PATJ: variants seen among roughly 807,000 people sequenced by gnomAD.
PATJ encodes PATJ crumbs cell polarity complex component, also known as inaD-like protein.
A neutral mutation model predicts 224.9 loss-of-function variants in PATJ; 190 were observed. The ratio of observed to expected loss-of-function variants is 0.84; its 90% CI spans 0.75 to 0.95. The LOEUF is 0.95. Among genes scored for constraint, PATJ ranks in the 40% least tolerant of loss-of-function variants. PATJ has a pLI of 0.00. For missense variants in PATJ, 2,121 were observed against 2,270.3 expected, an observed-to-expected ratio of 0.93 and a Z score of 1.34; for synonymous variants, 769 against 820.3, an observed-to-expected ratio of 0.94 and a Z score of 1.07.
chr1:61,836,615 T>C (rs1418035941), intron 17 of PATJ, among the ~76,000 whole-genome samples: 1 of 152,270 alleles, frequency 6.6e-6, no homozygotes, highest in Non-Finnish European at 1.5e-5. Flanking sequence ...AGAACTGTTA[T>C]CTACCATGAC....
intron 5 of PATJ, among the ~76,000 whole-genome samples, chr1:61,771,019 G>T (rs1646572567): frequency 6.6e-6 from 1 of 152,072 alleles, no homozygotes; most frequent in African/African-American, 2.4e-5. Flanking sequence ...CAGTGAAGAT[G>T]GGGTGAGAGG....
intron 33 of PATJ, among the ~76,000 whole-genome samples, chr1:62,107,974 C>T (rs1207286171): frequency 6.6e-6 from 1 of 152,176 alleles, no homozygotes; most frequent in Non-Finnish European, 1.5e-5. Context: ...TTTTCTTCTC[C>T]TCCAGGACCC....
At chr1:61,777,724 T>TTTC (rs1553157739) in intron 7 of PATJ, among the ~76,000 whole-genome samples, 15 of 106,032 alleles carry the variant, frequency 1.4e-4, no homozygotes, top group South Asian at 3.1e-4. Flanking sequence ...TTTTTTTTTT[T>TTTC]TTTAGCATAG....
At chr1:61,766,254 G>GATT (rs2148323173) in intron 3 of PATJ, 25 bp from the exon 4 acceptor site, 5 of 1,497,828 alleles carry the variant, frequency 3.3e-6, no homozygotes, top group South Asian at 1.3e-5. Context: ...GATTTCTGTT[G>GATT]ATTCTTTTTT....
chr1:61,887,838 A>G (rs1409714245), intron 22 of PATJ, among the ~76,000 whole-genome samples: 1 of 152,216 alleles, frequency 6.6e-6, no homozygotes, highest in Non-Finnish European at 1.5e-5. Flanking sequence ...TCAGCAAAAC[A>G]TAACAGGGAT....
chr1:61,955,108 T>C (rs752340044), intron 27 of PATJ, among the ~76,000 whole-genome samples: 3 of 152,218 alleles, frequency 2.0e-5, no homozygotes, highest in Non-Finnish European at 4.4e-5. Context: ...ATTGCACATT[T>C]TGAATACATC....
At chr1:62,017,743 A>AAAAAAAG (rs1553243994) in intron 28 of PATJ, 113 bp from the exon 29 acceptor site, 5 of 517,308 alleles carry the variant, frequency 9.7e-6, no homozygotes, top group South Asian at 5.8e-5. Context: ...AAAAAAAAAA[A>AAAAAAAG]AAAAGAAAAG....
intron 42 of PATJ, among the ~76,000 whole-genome samples, chr1:62,149,854 T>C (rs1218926717): frequency 1.3e-5 from 2 of 152,010 alleles, no homozygotes; most frequent in Non-Finnish European, 2.9e-5. Flanking sequence ...TTTAAACTAA[T>C]TGGTTGAAAA....
intron 27 of PATJ, among the ~76,000 whole-genome samples, chr1:61,943,428 GCA>G (rs1256836030): frequency 6.6e-6 from 1 of 152,182 alleles, no homozygotes; most frequent in Non-Finnish European, 1.5e-5. Flanking sequence ...TTAGCAAACG[GCA>G]TACCAGGAGA....
At chr1:61,921,742 G>A (rs1040284393) in intron 26 of PATJ, among the ~76,000 whole-genome samples, 8 of 152,186 alleles carry the variant, frequency 5.3e-5, no homozygotes, top group Non-Finnish European at 7.3e-5. Context: ...ACAATCTGTA[G>A]TGAGAGAAAA....
intron 41 of PATJ, among the ~76,000 whole-genome samples, chr1:62,144,452 A>G (rs1009546782): frequency 1.3e-5 from 2 of 152,134 alleles, no homozygotes; most frequent in African/African-American, 2.4e-5. Flanking sequence ...TGAAATTGCA[A>G]TCAAGTCGAG....
chr1:62,086,065 T>C lies in PATJ; in HGVS notation c.4377+1417T>C, dbSNP rs76286070. On this transcript the variant is annotated intron_variant, in intron 33 of 43. Transcript: ENST00000642238. The surrounding 1 kb of genome is among the most constrained non-coding windows in gnomAD (Gnocchi z 4.0). ...CTAGGCTCAAGCGATCCTCCTACCT[T>C]AGCCTCCCAAAATGCTGCAATTACA... Among the ~76,000 whole-genome samples the C allele has an allele frequency of 0.024, 3,666 of 152,168 alleles. 146 individuals carry two copies. The highest frequency in any genetic ancestry group is 0.079 in the East Asian group (407 of 5,172).
chr1:61,752,515 C>G (rs929376492), intron 1 of PATJ, among the ~76,000 whole-genome samples: 2 of 151,886 alleles, frequency 1.3e-5, no homozygotes, highest in Non-Finnish European at 1.5e-5. Context: ...GTTTTCACCA[C>G]GTTGGCCAGG....
intron 28 of PATJ, among the ~76,000 whole-genome samples, chr1:61,999,139 A>G (rs939655515): frequency 3.2e-4 from 48 of 152,106 alleles, no homozygotes; most frequent in Admixed American, 3.0e-3. Context: ...GAAGAAATTT[A>G]TGGAAGGAGT....
chr1:61,971,808 C>T (rs1252360426), intron 27 of PATJ, among the ~76,000 whole-genome samples: 1 of 149,440 alleles, frequency 6.7e-6, no homozygotes, highest in Non-Finnish European at 1.5e-5. Context: ...ATCCTGGAAA[C>T]ATTGTGAGAC....
At chr1:62,158,841 T>G (rs895191402) in intron 43 of PATJ, among the ~76,000 whole-genome samples, 5 of 151,032 alleles carry the variant, frequency 3.3e-5, no homozygotes, top group Non-Finnish European at 7.4e-5. Context: ...ACCAACTACT[T>G]GGGAGGCTGA....
At chr1:61,876,132 A>G (rs1667301575) in intron 21 of PATJ, among the ~76,000 whole-genome samples, 1 of 152,168 alleles carries the variant, frequency 6.6e-6, no homozygotes. Flanking sequence ...AAGTGATGTA[A>G]CAGTTTTATA....
Position 61,762,913 on chromosome 1 carries a change from AG to A in PATJ, c.22+1del. 1 of 1,547,704 alleles carries A rather than the reference AG, an allele frequency of 6.5e-7. No individual in the cohort carries two copies. The highest frequency in any genetic ancestry group is 8.8e-7 in the Non-Finnish European group (1 of 1,133,392). MPENPAT[D>X]KLQVLQVLDR... ...TCAAAATGCCTGAAAATCCTGCTAC[AG>A]GTATACTGGATATATTGTTCTATAA... On this transcript the variant is annotated frameshift_variant and splice_region_variant, in exon 2 of 44. Transcript: ENST00000642238. LOFTEE classifies it high-confidence loss of function.
chr1:61,898,606 A>G (rs916183943), intron 22 of PATJ, among the ~76,000 whole-genome samples: 1 of 152,124 alleles, frequency 6.6e-6, no homozygotes, highest in East Asian at 1.9e-4. Flanking sequence ...TACAATTTAC[A>G]ACATCGGACT....
Sources: allele counts gnomAD v4.1 joint callset (sites outside exome capture counted in the v4.1 genomes callset), GRCh38; gene constraint gnomAD v4.1.1; non-coding constraint Gnocchi (gnomAD v3.1); transcripts MANE v1.5; gene names NCBI Gene and HGNC (gene_info 2026-07-23, HGNC 2026-07-21).